CADM1: variants seen among roughly 807,000 people sequenced by gnomAD.
CADM1 encodes the protein TSLC-1.
A neutral mutation model predicts 53.1 loss-of-function variants in CADM1; 15 were observed. The observed-to-expected ratio is 0.28, with a 90% CI of 0.19 to 0.44. The LOEUF (loss-of-function observed/expected upper bound fraction) is 0.44. Ranked by LOEUF, CADM1 falls within the 20% of genes least tolerant of loss-of-function variation. The pLI is 1.00. For missense variants in CADM1, 434 were observed against 611.3 expected, an observed-to-expected ratio of 0.71 and a Z score of 3.06; for synonymous variants, 281 against 243.0, an observed-to-expected ratio of 1.16 and a Z score of -1.45.
intron 1 of CADM1, among the ~76,000 whole-genome samples, chr11:115,454,536 C>T (rs1223263304): frequency 1.3e-5 from 2 of 152,324 alleles, no homozygotes; most frequent in South Asian, 2.1e-4. Context: ...CTCTTAAAAG[C>T]TGGTTTTGCT....
At chr11:115,346,261 G>A (rs917508811) in intron 1 of CADM1, among the ~76,000 whole-genome samples, 5 of 152,146 alleles carry the variant, frequency 3.3e-5, no homozygotes, top group African/African-American at 4.8e-5. Context: ...CAAAAGATAC[G>A]TGCTTAAGGA....
At chr11:115,284,739 G>C (rs914668586) in intron 1 of CADM1, among the ~76,000 whole-genome samples, 1 of 152,092 alleles carries the variant, frequency 6.6e-6, no homozygotes, top group Admixed American at 6.5e-5. Context: ...ACAATGTAGG[G>C]TGTGCATTAA....
At chr11:115,386,206 G>A (rs899963543) in intron 1 of CADM1, among the ~76,000 whole-genome samples, 2 of 152,144 alleles carry the variant, frequency 1.3e-5, no homozygotes, top group African/African-American at 4.8e-5. Flanking sequence ...AAAAGAAAAG[G>A]ACATGAGACT....
intron 9 of CADM1, among the ~76,000 whole-genome samples, chr11:115,197,795 G>A (rs1359444390): frequency 6.6e-6 from 1 of 152,192 alleles, no homozygotes; most frequent in African/African-American, 2.4e-5. Flanking sequence ...TGCCAAATGT[G>A]AGCATAAAGT....
chr11:115,319,441 T>C (rs551284625), intron 1 of CADM1, among the ~76,000 whole-genome samples: 1 of 152,294 alleles, frequency 6.6e-6, no homozygotes, highest in African/African-American at 2.4e-5. Flanking sequence ...GTGCCCTGGA[T>C]TGCCCATCTC....
Position 115,173,969 on chromosome 11 carries a change from C to G in CADM1, c.*2505G>C. ...TCAACCTGTACAAAGTAATACTCAA[C>G]AATACATTTCAAACAGTGCACTGTA... On this transcript the variant is annotated 3_prime_UTR_variant, in exon 12 of 12. Coordinates refer to ENST00000331581, the MANE Select transcript of CADM1 (RefSeq NM_001301043.2). The G allele has an allele frequency of 2.1e-6, 2 of 958,246 alleles. No individual in the cohort carries two copies. Among genetic ancestry groups the G allele is most frequent in the Non-Finnish European group, 2.5e-6 (2 of 805,218 alleles). The allele number at this position is 958,246 out of a possible 1,614,324, so 59.4% of individuals were successfully genotyped here. A position where few individuals can be genotyped will look rare whatever the true frequency, so the allele number is the denominator to read the frequency against.
intron 1 of CADM1, among the ~76,000 whole-genome samples, chr11:115,443,861 T>C (rs1948386384): frequency 6.6e-6 from 1 of 152,182 alleles, no homozygotes. Context: ...CATGACCTAT[T>C]AGAAGAACGG....
At chr11:115,347,410 A>G (rs905994526) in intron 1 of CADM1, among the ~76,000 whole-genome samples, 5 of 152,172 alleles carry the variant, frequency 3.3e-5, no homozygotes, top group African/African-American at 4.8e-5. Context: ...CCATCACTCA[A>G]TTTGGCAGGT....
chr11:115,295,449 C>T lies in CADM1; in HGVS notation c.125-55029G>A, dbSNP rs1488833987. On this transcript the variant is annotated intron_variant, in intron 1 of 11. Transcript: ENST00000331581. ...ACTCCTTGTTGGACTATTAGGATCT[C>T]CCAGGCTCCACTCTCTGCCGTCTGC... 3.4e-5 allele frequency among the ~76,000 whole-genome samples: 5 copies of T among 147,758 alleles called. No homozygotes were observed. The South Asian group carries it at 8.7e-4, about 26-fold the overall frequency.
At chr11:115,286,992 A>C (rs1371110066) in intron 1 of CADM1, among the ~76,000 whole-genome samples, 3 of 152,206 alleles carry the variant, frequency 2.0e-5, no homozygotes, top group Non-Finnish European at 4.4e-5. Context: ...TCATTCTTCA[A>C]ACAATTTCAC....
intron 1 of CADM1, among the ~76,000 whole-genome samples, chr11:115,374,659 A>C (rs1946393896): frequency 6.6e-6 from 1 of 152,180 alleles, no homozygotes; most frequent in African/African-American, 2.4e-5. Context: ...CCATACCCCA[A>C]AAAAGAAAAG....
At chr11:115,421,489 T>C (rs2135271255) in intron 1 of CADM1, among the ~76,000 whole-genome samples, 1 of 152,328 alleles carries the variant, frequency 6.6e-6, no homozygotes, top group African/African-American at 2.4e-5. Flanking sequence ...CACTACACTA[T>C]TTCTGCCTGC....
chr11:115,329,520 G>A (rs1341047230), intron 1 of CADM1, among the ~76,000 whole-genome samples: 1 of 152,156 alleles, frequency 6.6e-6, no homozygotes, highest in East Asian at 1.9e-4. Flanking sequence ...GGGAGGGGGA[G>A]CACACAGAAG....
intron 9 of CADM1, among the ~76,000 whole-genome samples, chr11:115,197,291 T>C (rs965354778): frequency 1.3e-5 from 2 of 152,226 alleles, no homozygotes; most frequent in Admixed American, 1.3e-4. Flanking sequence ...GAAATGTTTC[T>C]CTAAAAGTTG....
At chr11:115,339,227 C>T (rs970210666) in intron 1 of CADM1, among the ~76,000 whole-genome samples, 2 of 152,032 alleles carry the variant, frequency 1.3e-5, no homozygotes, top group Non-Finnish European at 2.9e-5. Context: ...GTGGCGATTC[C>T]TCAGGGATCT....
intron 1 of CADM1, among the ~76,000 whole-genome samples, chr11:115,359,705 G>T (rs138729527): frequency 1.3e-5 from 2 of 152,226 alleles, no homozygotes; most frequent in Non-Finnish European, 2.9e-5. Context: ...CAGATAAAAC[G>T]CTCCTGACTC....
chr11:115,349,786 T>G (rs1945677728), intron 1 of CADM1, among the ~76,000 whole-genome samples: 1 of 152,214 alleles, frequency 6.6e-6, no homozygotes, highest in African/African-American at 2.4e-5. Context: ...CTGTCCTCCC[T>G]ATTTCACTGT....
chr11:115,344,252 C>T (rs1945520450), intron 1 of CADM1, among the ~76,000 whole-genome samples: 1 of 110,112 alleles, frequency 9.1e-6, no homozygotes, highest in Admixed American at 1.1e-4. Context: ...ATCACCTATC[C>T]ATTCTATACA....
At chr11:115,394,186 A>G (rs751507456) in intron 1 of CADM1, among the ~76,000 whole-genome samples, 5 of 152,248 alleles carry the variant, frequency 3.3e-5, no homozygotes, top group Non-Finnish European at 7.3e-5. Flanking sequence ...CATCCTTTGC[A>G]GTCATCTTAC....
Sources: gnomAD v4.1 joint callset for allele counts (sites outside exome capture counted in the v4.1 genomes callset) on GRCh38, gnomAD v4.1.1 for gene constraint, MANE v1.5 for transcripts, NCBI Gene and HGNC (gene_info 2026-07-23, HGNC 2026-07-21) for gene names.